CAMSAP1: variants seen among roughly 807,000 people sequenced by gnomAD.
CAMSAP1 encodes the protein calmodulin regulated spectrin associated protein 1, also known as calmodulin-regulated spectrin-associated protein 1.
Under a neutral mutation model 143.5 loss-of-function variants are expected in CAMSAP1, and 58 were observed. The observed-to-expected ratio is 0.40, with a 90% CI of 0.33 to 0.50. The LOEUF is 0.50. Among genes scored for constraint, CAMSAP1 ranks in the 20% least tolerant of loss-of-function variants. The pLI, the probability that CAMSAP1 is intolerant of heterozygous loss-of-function variation, is 0.45. For synonymous variants in CAMSAP1, 945 were observed against 859.3 expected (o/e 1.10, Z -1.74); for missense variants, 1,969 against 2,115.7 (o/e 0.93, Z 1.36).
chr9:135,894,380 G>A (rs1838383880), intron 1 of CAMSAP1, among the ~76,000 whole-genome samples: 1 of 152,194 alleles, frequency 6.6e-6, no homozygotes, highest in Admixed American at 6.5e-5. Flanking sequence ...ACCGGCACAG[G>A]AGCCACACTC....
At chr9:135,898,624 CTCA>C (rs1346177689) in intron 1 of CAMSAP1, among the ~76,000 whole-genome samples, 2 of 152,048 alleles carry the variant, frequency 1.3e-5, no homozygotes, top group Non-Finnish European at 2.9e-5. Context: ...TATAAAAATG[CTCA>C]TCATAAGTCA....
chr9:135,903,609 T>C (rs768167346), intron 1 of CAMSAP1, among the ~76,000 whole-genome samples: 4 of 152,250 alleles, frequency 2.6e-5, no homozygotes, highest in African/African-American at 4.8e-5. Flanking sequence ...CAGCCAGCCC[T>C]GGAGTTTCAG....
intron 1 of CAMSAP1, among the ~76,000 whole-genome samples, chr9:135,905,159 G>A (rs139946186): frequency 6.7e-4 from 102 of 152,278 alleles, no homozygotes; most frequent in African/African-American, 2.2e-3. Flanking sequence ...GCCCATGTTA[G>A]TATCAGATTG....
At chr9:135,819,857 A>T (rs80022309) in intron 11 of CAMSAP1, among the ~76,000 whole-genome samples, 1 of 151,572 alleles carries the variant, frequency 6.6e-6, no homozygotes, top group Non-Finnish European at 1.5e-5. Context: ...AAAAAAAAAA[A>T]GCGAAAAAGT....
chr9:135,823,964 T>G lies in CAMSAP1; in HGVS notation c.1386A>C (p.Pro462=). ...GQPRGAAIAW[P]EKKTRPASQP... The stretch of plus-strand genomic sequence containing the variant: ...CACAGACTCACCTGGTTTTTTTTTC[T>G]GGCCAGGCTATTGCTGCTCCTCGAG... The change falls in exon 10 of 17, where the codon CCA becomes CCC. Residue 462 remains proline (P), a synonymous_variant. Coordinates refer to ENST00000389532, the MANE Select transcript of CAMSAP1 (RefSeq NM_015447.4). The G allele has an allele frequency of 6.3e-7, 1 of 1,582,648 alleles. No homozygotes were observed. The highest frequency in any genetic ancestry group is 8.6e-7 in the Non-Finnish European group (1 of 1,163,546).
At chr9:135,858,779 G>A (rs1044196859) in intron 5 of CAMSAP1, among the ~76,000 whole-genome samples, 4 of 152,238 alleles carry the variant, frequency 2.6e-5, no homozygotes, top group African/African-American at 9.6e-5. Flanking sequence ...CAAGGCCAAA[G>A]GCCTAAAATC....
rs1022777067 is a variant in CAMSAP1 at position 135,820,643 on chromosome 9, T to G, written c.3822+196A>C. ...CACACCACGCTCACTTGCATGCGTA[T>G]TGCCCGGGACTGCTTCTGGCCAAGT... On this transcript the variant is annotated intron_variant, in intron 11 of 16. Transcript: ENST00000389532. The surrounding 1 kb of genome is among the most constrained non-coding windows in gnomAD (Gnocchi z 4.4). Among the ~76,000 whole-genome samples, 1 of 152,210 alleles carries G rather than the reference T, an allele frequency of 6.6e-6. No homozygotes were observed. The highest frequency in any genetic ancestry group is 2.4e-5 in the African/African-American group (1 of 41,454).
At chr9:135,879,871 A>G (rs973217713) in intron 3 of CAMSAP1, among the ~76,000 whole-genome samples, 5 of 151,748 alleles carry the variant, frequency 3.3e-5, no homozygotes, top group Admixed American at 3.3e-4. Flanking sequence ...TATCTGGCCA[A>G]TGAGCAGAAA....
chr9:135,811,957 G>A lies in CAMSAP1; in HGVS notation c.4507-346C>T, dbSNP rs555189143. On this transcript the variant is annotated intron_variant, in intron 16 of 16. Transcript: ENST00000389532. The surrounding 1 kb of genome is among the most constrained non-coding windows in gnomAD (Gnocchi z 4.9). ...AAGGACGGCTGGAACCCAGAAGCAG[G>A]GCGGTAACGAGTGCTGGCGAGCCAT... 6.6e-6 allele frequency among the ~76,000 whole-genome samples: 1 copy of A among 152,182 alleles called. No homozygotes were observed. Among genetic ancestry groups the A allele is most frequent in the South Asian group, 2.1e-4 (1 of 4,820 alleles).
At chr9:135,829,499 A>G (rs1016508189) in intron 7 of CAMSAP1, among the ~76,000 whole-genome samples, 1 of 151,994 alleles carries the variant, frequency 6.6e-6, no homozygotes, top group Non-Finnish European at 1.5e-5. Context: ...TCCAGCCTGG[A>G]CAACAGAGCA....
intron 7 of CAMSAP1, among the ~76,000 whole-genome samples, chr9:135,844,858 G>T (rs1836496328): frequency 6.6e-6 from 1 of 152,116 alleles, no homozygotes; most frequent in African/African-American, 2.4e-5. Flanking sequence ...AACAAGTTCT[G>T]AAATTAAGGC....
chr9:135,818,973 C>A lies in CAMSAP1; in HGVS notation c.3959+37G>T. 1 of 1,597,456 alleles carries A rather than the reference C, an allele frequency of 6.3e-7. No individual in the cohort carries two copies. The highest frequency in any genetic ancestry group is 2.3e-5 in the East Asian group (1 of 44,442). ...GGGCCGCCAGGGACCCACCAGGCTC[C>A]TGCTCAGTCTGCTTTCCCCCCCGGC... On this transcript the variant is annotated intron_variant, in intron 12 of 16. Transcript: ENST00000389532. The surrounding 1 kb of genome is among the most constrained non-coding windows in gnomAD (Gnocchi z 7.7).
At chr9:135,878,281 G>C (rs1588497708) in intron 3 of CAMSAP1, among the ~76,000 whole-genome samples, 1 of 152,290 alleles carries the variant, frequency 6.6e-6, no homozygotes, top group East Asian at 1.9e-4. Context: ...AACCATGCAG[G>C]CAGGGGCAGG....
intron 14 of CAMSAP1, among the ~76,000 whole-genome samples, chr9:135,816,455 C>A (rs1453718293): frequency 6.6e-6 from 1 of 152,204 alleles, no homozygotes; most frequent in African/African-American, 2.4e-5. Context: ...CCCAGTGACG[C>A]TGATCCCTGG....
rs940687708 is a variant in CAMSAP1, at chr9:135,874,489, G to GA, written c.585+7143_585+7144insT. 2.6e-4 allele frequency among the ~76,000 whole-genome samples: 37 copies of GA among 145,056 alleles called. 1 individual carries two copies. The highest frequency in any genetic ancestry group is 3.6e-3 in the Middle Eastern group (1 of 278). ...CCCTGTCTCAAAAAAGGGGGGGGGG[G>GA]GCCACAGGGGCCGGGAACTCCTAAT... On this transcript the variant is annotated intron_variant, in intron 3 of 16. Coordinates refer to ENST00000389532, the MANE Select transcript of CAMSAP1 (RefSeq NM_015447.4).
chr9:135,822,309 G>T lies in CAMSAP1; in HGVS notation c.2352C>A (p.Asp784Glu), dbSNP rs1158776424. Reference protein sequence around the residue: ...QEDMKVKEHEDKDDASGRSSP... With the variant: ...QEDMKVKEHEEKDDASGRSSP... ...TCGAGCGGCCGCTGGCGTCATCTTT[G>T]TCTTCATGTTCCTTCACCTTCATGT... The change falls in exon 11 of 17, where the codon GAC becomes GAA. Residue 784 changes from aspartate to glutamate, a missense_variant. This residue lies in a region of CAMSAP1 where 1,390 missense variants were observed against 1,420.8 expected (regional missense o/e 0.98). Coordinates refer to ENST00000389532, the MANE Select transcript of CAMSAP1 (RefSeq NM_015447.4). The surrounding 1 kb of genome is among the most constrained non-coding windows in gnomAD (Gnocchi z 6.1). The T allele has an allele frequency of 6.2e-7, 1 of 1,614,046 alleles. No homozygotes were observed. Among genetic ancestry groups the T allele is most frequent in the South Asian group, 1.1e-5 (1 of 91,088 alleles).
At position 135,821,634 on chromosome 9, in the gene CAMSAP1, G is replaced by A; in HGVS notation, c.3027C>T (p.Asp1009=). Residue 1009 remains aspartate (D), a synonymous_variant, in exon 11 of 17, where the codon GAC becomes GAT. Transcript: ENST00000389532. This position sits in a 1 kb window ranked among gnomAD's most constrained non-coding sequence, Gnocchi z 4.6. ...TCACGTCGACAACCTCCCCAACAGTGTCCTCCAGGAGGGCAGCGGAGATCA... is the reference window on the plus strand; with the variant it reads ...TCACGTCGACAACCTCCCCAACAGTATCCTCCAGGAGGGCAGCGGAGATCA... ...NKVISAALLE[D]TVGEVVDVNE... is the part of the protein sequence containing the mutation. 1.2e-6 allele frequency: 2 copies of A among 1,614,032 alleles called. No homozygotes were observed. The highest frequency in any genetic ancestry group is 1.1e-5 in the South Asian group (1 of 91,080).
chr9:135,881,498 T>C (rs1837947254), intron 3 of CAMSAP1, 135 bp downstream of exon 3: 3 of 1,034,544 alleles, frequency 2.9e-6, no homozygotes, highest in Non-Finnish European at 2.8e-6. Context: ...CAGACACATT[T>C]CTGGACACAA....
chr9:135,846,632 TGACA>T (rs2130890381), intron 7 of CAMSAP1, among the ~76,000 whole-genome samples: 1 of 132,742 alleles, frequency 7.5e-6, no homozygotes, highest in South Asian at 2.3e-4. Flanking sequence ...TCTATCCAAC[TGACA>T]AAGGGCTAAT....
Sources: gnomAD v4.1 joint callset for allele counts (sites outside exome capture counted in the v4.1 genomes callset) on GRCh38, gnomAD v4.1.1 for gene constraint, gnomAD v4.1.1 regional missense constraint, Gnocchi (gnomAD v3.1) non-coding constraint, MANE v1.5 for transcripts, NCBI Gene and HGNC (gene_info 2026-07-23, HGNC 2026-07-21) for gene names.